The following CACNA1I variants were observed in gnomAD, a reference collection of about 807,000 sequenced individuals.
The protein encoded by CACNA1I is voltage-dependent T-type calcium channel subunit alpha-1I.
Under a neutral mutation model 201.6 loss-of-function variants are expected in CACNA1I, and 74 were observed. The observed-to-expected ratio is 0.37, with a 90% confidence interval of 0.30 to 0.45. The LOEUF (loss-of-function observed/expected upper bound fraction) is 0.45. Among genes scored for constraint, CACNA1I ranks in the 20% least tolerant of loss-of-function variants. CACNA1I has a pLI of 1.00. For missense variants in CACNA1I, 2,346 were observed against 3,138.1 expected (o/e 0.75, Z 6.03); for synonymous variants, 1,431 against 1,345.2 (o/e 1.06, Z -1.40).
chr22:39,593,814 T>C (rs1481645719), intron 1 of CACNA1I, among the ~76,000 whole-genome samples: 1 of 152,190 alleles, frequency 6.6e-6, no homozygotes, highest in Non-Finnish European at 1.5e-5. Context: ...CCAATCTGTT[T>C]CCCTTTTGTG....
intron 33 of CACNA1I, 65 bp from the exon 34 acceptor site, chr22:39,680,865 G>A (rs1935681664): frequency 4.6e-6 from 7 of 1,530,910 alleles, no homozygotes; most frequent in African/African-American, 1.4e-5. Context: ...GTGGCTGCAC[G>A]CCCCAGGACC....
chr22:39,612,059 G>C (rs1933400695), intron 3 of CACNA1I, among the ~76,000 whole-genome samples: 1 of 152,198 alleles, frequency 6.6e-6, no homozygotes, highest in Non-Finnish European at 1.5e-5. Context: ...CAACAGAGTT[G>C]AGAGGTGGGA....
At chr22:39,672,850 GA>G in intron 27 of CACNA1I, 98 bp from the exon 28 acceptor site, 1 of 1,349,302 alleles carries the variant, frequency 7.4e-7, no homozygotes, top group Non-Finnish European at 1.0e-6. Flanking sequence ...GGCCACAATA[GA>G]AGGGTCAGGA....
chr22:39,572,378 A>T (rs1337942842), intron 1 of CACNA1I, among the ~76,000 whole-genome samples: 1 of 152,078 alleles, frequency 6.6e-6, no homozygotes, highest in African/African-American at 2.4e-5. Flanking sequence ...GGTCAGGTGC[A>T]GGCCTGAGTC....
At position 39,664,160 on chromosome 22, in the gene CACNA1I, GTAGC is replaced by G; in HGVS notation, c.3666+3_3666+6del. 1 of 1,612,270 alleles carries G rather than the reference GTAGC, an allele frequency of 6.2e-7. No individual in the cohort carries two copies. The highest frequency in any genetic ancestry group is 8.5e-7 in the Non-Finnish European group (1 of 1,179,108). On this transcript the variant is annotated splice_donor_variant and splice_donor_5th_base_variant and intron_variant, in intron 20 of 36. Transcript: ENST00000402142. LOFTEE classifies it high-confidence loss of function. Reference sequence around the variant, plus strand: ...CTTCGTGGGCGAGATGACATTGAAGGTAGCTCCCGGTTTCACCCGGGACCCCTGC... The same window carrying G: ...CTTCGTGGGCGAGATGACATTGAAGGTCCCGGTTTCACCCGGGACCCCTGC...
chr22:39,617,888 C>T (rs900317789), intron 3 of CACNA1I, among the ~76,000 whole-genome samples: 4 of 149,960 alleles, frequency 2.7e-5, no homozygotes, highest in Non-Finnish European at 1.5e-5. Context: ...TTTCCTCCCT[C>T]CCCCTCAGGT....
intron 17 of CACNA1I, 47 bp downstream of exon 17, chr22:39,662,482 C>T: frequency 3.0e-6 from 4 of 1,316,770 alleles, no homozygotes; most frequent in Middle Eastern, 2.5e-4. Flanking sequence ...TGGGATAGGA[C>T]AGAAGTGGGT....
At chr22:39,622,492 G>A (rs1933775033) in intron 4 of CACNA1I, among the ~76,000 whole-genome samples, 1 of 151,882 alleles carries the variant, frequency 6.6e-6, no homozygotes, top group African/African-American at 2.4e-5. Context: ...GCATGAGGCT[G>A]GAGAGGACAG....
rs974381120 is a variant in CACNA1I at position 39,665,436 on chromosome 22, G to A, written c.3852-62G>A. 1.3e-6 allele frequency: 2 copies of A among 1,598,314 alleles called. No individual in the cohort carries two copies. Among genetic ancestry groups the A allele is most frequent in the Non-Finnish European group, 8.5e-7 (1 of 1,172,186 alleles). ...CTCAGCCCTGGTGACTCTGGGCTGA[G>A]TAGGGGCTGCCTCCTGGCCTGGCCA... On this transcript the variant is annotated intron_variant, in intron 21 of 36. Transcript: ENST00000402142. The surrounding 1 kb of genome is among the most constrained non-coding windows in gnomAD (Gnocchi z 5.5).
chr22:39,653,955 G>C (rs966138922), intron 10 of CACNA1I, among the ~76,000 whole-genome samples: 1 of 152,210 alleles, frequency 6.6e-6, no homozygotes, highest in Admixed American at 6.5e-5. Context: ...CACCCCCTGG[G>C]TAGCCCAGGC....
chr22:39,653,224 C>T (rs2146435718), intron 10 of CACNA1I, among the ~76,000 whole-genome samples: 1 of 152,334 alleles, frequency 6.6e-6, no homozygotes, highest in East Asian at 1.9e-4. Flanking sequence ...AGAGTCTTGT[C>T]TGAGCTCACA....
intron 10 of CACNA1I, among the ~76,000 whole-genome samples, chr22:39,657,243 G>A (rs1601503656): frequency 6.6e-6 from 1 of 152,158 alleles, no homozygotes; most frequent in African/African-American, 2.4e-5. Flanking sequence ...AAAAACCAGG[G>A]GTAAACAGCT....
At chr22:39,589,997 A>G (rs1932803293) in intron 1 of CACNA1I, among the ~76,000 whole-genome samples, 1 of 152,044 alleles carries the variant, frequency 6.6e-6, no homozygotes, top group African/African-American at 2.4e-5. Context: ...AGCCCCCCGA[A>G]TCACAGAAAC....
At chr22:39,598,951 T>G (rs1045567900) in intron 2 of CACNA1I, among the ~76,000 whole-genome samples, 5 of 130,016 alleles carry the variant, frequency 3.8e-5, no homozygotes, top group Non-Finnish European at 8.3e-5. Flanking sequence ...GTTTTTTTTT[T>G]TTTTTTTTTT....
intron 10 of CACNA1I, among the ~76,000 whole-genome samples, chr22:39,653,219 C>T (rs1934704234): frequency 1.3e-5 from 2 of 152,174 alleles, no homozygotes; most frequent in African/African-American, 2.4e-5. Context: ...GCTTCAGAGT[C>T]TTGTCTGAGC....
At chr22:39,588,193 C>T (rs1365733738) in intron 1 of CACNA1I, among the ~76,000 whole-genome samples, 4 of 132,072 alleles carry the variant, frequency 3.0e-5, no homozygotes, top group South Asian at 5.0e-4. Flanking sequence ...AGTGCAGTGG[C>T]ACCGTCATAA....
chr22:39,600,115 G>A (rs746381375), intron 2 of CACNA1I, among the ~76,000 whole-genome samples: 2 of 152,148 alleles, frequency 1.3e-5, no homozygotes, highest in Non-Finnish European at 2.9e-5. Context: ...TTCCTCATCT[G>A]TAAAATGGGA....
intron 10 of CACNA1I, 83 bp downstream of exon 10, chr22:39,650,008 A>C: frequency 7.0e-7 from 1 of 1,436,732 alleles, no homozygotes; most frequent in South Asian, 1.2e-5. Flanking sequence ...AGCCCCATCC[A>C]TCTGCCTGGG....
intron 4 of CACNA1I, among the ~76,000 whole-genome samples, chr22:39,632,186 C>T (rs530604714): frequency 9.2e-5 from 14 of 152,172 alleles, no homozygotes; most frequent in Non-Finnish European, 8.8e-5. Context: ...AGGCTGGGAC[C>T]GTGTGGAGCT....
Sources: gnomAD v4.1 joint callset for allele counts (sites outside exome capture counted in the v4.1 genomes callset) on GRCh38, gnomAD v4.1.1 for gene constraint, Gnocchi (gnomAD v3.1) non-coding constraint, MANE v1.5 for transcripts, NCBI Gene and HGNC (gene_info 2026-07-23, HGNC 2026-07-21) for gene names.